Variants in P2RY14 observed in about 807,000 individuals in gnomAD.
The protein encoded by P2RY14 is purinergic receptor P2Y14.
P2RY14 carries 2 observed loss-of-function variants against 0.9 expected under a neutral mutation model. That is an observed-to-expected ratio of 2.16 (90% CI 0.88 to 6.79). The LOEUF (loss-of-function observed/expected upper bound fraction) is 6.79. P2RY14 is among the 30% of genes most tolerant of loss of function. The pLI is 0.05. For missense variants in P2RY14, 378 were observed against 400.1 expected, an observed-to-expected ratio of 0.94 and a Z score of 0.47; for synonymous variants, 158 against 147.2, an observed-to-expected ratio of 1.07 and a Z score of -0.53.
chr3:151,222,965 G>A (rs568791182), intron 1 of P2RY14, among the ~76,000 whole-genome samples: 2 of 151,998 alleles, frequency 1.3e-5, no homozygotes, highest in Non-Finnish European at 2.9e-5. Context: ...AATGTAAATT[G>A]GTATTTTATA....
At chr3:151,245,298 T>C (rs1372585933) in intron 1 of P2RY14, among the ~76,000 whole-genome samples, 5 of 152,052 alleles carry the variant, frequency 3.3e-5, no homozygotes, top group South Asian at 2.1e-4. Context: ...ATACCAAAGC[T>C]GGGCAGAGAC....
At chr3:151,274,071 A>G (rs1322642003) in intron 1 of P2RY14, among the ~76,000 whole-genome samples, 2 of 152,216 alleles carry the variant, frequency 1.3e-5, no homozygotes, top group Non-Finnish European at 2.9e-5. Context: ...GCAGTGTGCT[A>G]AAGTCGTGGC....
intron 1 of P2RY14, among the ~76,000 whole-genome samples, chr3:151,222,257 ACT>A (rs1267986601): frequency 6.6e-6 from 1 of 151,992 alleles, no homozygotes; most frequent in Non-Finnish European, 1.5e-5. Flanking sequence ...CTGGGATGAG[ACT>A]CTGGACTGTG....
chr3:151,258,465 G>A (rs2149485527), intron 1 of P2RY14, among the ~76,000 whole-genome samples: 1 of 152,258 alleles, frequency 6.6e-6, no homozygotes, highest in East Asian at 1.9e-4. Flanking sequence ...CTGGCCCTGG[G>A]TTAAATTCCA....
At chr3:151,269,852 A>G (rs1740544557) in intron 1 of P2RY14, 43 of 452,942 alleles carry the variant, frequency 9.5e-5, no homozygotes, top group South Asian at 6.9e-4. Flanking sequence ...TAAAGTCAGC[A>G]GGAAGAGGCA....
intron 1 of P2RY14, among the ~76,000 whole-genome samples, chr3:151,263,235 A>G (rs1029715134): frequency 2.0e-5 from 3 of 152,216 alleles, no homozygotes; most frequent in African/African-American, 7.2e-5. Flanking sequence ...ACCTTCAGCT[A>G]TCTTCCAGTC....
chr3:151,271,289 G>A (rs1740896150), intron 1 of P2RY14, among the ~76,000 whole-genome samples: 1 of 151,912 alleles, frequency 6.6e-6, no homozygotes, highest in South Asian at 2.1e-4. Flanking sequence ...TTGTCAACAG[G>A]GAAATACAAA....
At chr3:151,267,256 T>C (rs1740016713) in intron 1 of P2RY14, among the ~76,000 whole-genome samples, 1 of 152,198 alleles carries the variant, frequency 6.6e-6, no homozygotes, top group Admixed American at 6.5e-5. Flanking sequence ...AAAAGGATTG[T>C]ACATTGTCAT....
chr3:151,261,935 C>T (rs1205156882), intron 1 of P2RY14, among the ~76,000 whole-genome samples: 1 of 152,064 alleles, frequency 6.6e-6, no homozygotes, highest in East Asian at 1.9e-4. Context: ...CCACGTTGGC[C>T]AGGCTGGTCT....
chr3:151,265,836 C>T (rs1325892712), intron 1 of P2RY14, among the ~76,000 whole-genome samples: 2 of 152,038 alleles, frequency 1.3e-5, no homozygotes, highest in Admixed American at 1.3e-4. Flanking sequence ...AGTCAGAACA[C>T]CTATGAAATT....
intron 1 of P2RY14, among the ~76,000 whole-genome samples, chr3:151,235,807 A>T (rs913252020): frequency 2.0e-5 from 3 of 152,154 alleles, no homozygotes; most frequent in Admixed American, 6.5e-5. Flanking sequence ...TGTGGCTGCC[A>T]CATGCTGGTC....
chr3:151,275,532 C>T (rs1039631030), intron 1 of P2RY14, among the ~76,000 whole-genome samples: 1 of 152,064 alleles, frequency 6.6e-6, no homozygotes, highest in Non-Finnish European at 1.5e-5. Flanking sequence ...AAGCATATGA[C>T]CAGTATTTCA....
chr3:151,273,227 CTTTTTTTTTTT>C (rs63035061), intron 1 of P2RY14, among the ~76,000 whole-genome samples: 5 of 106,168 alleles, frequency 4.7e-5, no homozygotes, highest in African/African-American at 1.0e-4. Flanking sequence ...TTGTTGTGTT[CTTTTTTTTTTT>C]TTTTTTTTTT....
intron 1 of P2RY14, among the ~76,000 whole-genome samples, chr3:151,220,898 C>T (rs1457786328): frequency 6.6e-6 from 1 of 152,110 alleles, no homozygotes; most frequent in Non-Finnish European, 1.5e-5. Flanking sequence ...GGGCAACAGG[C>T]AGAGATTGGA....
At chr3:151,275,248 G>T (rs954485476) in intron 1 of P2RY14, among the ~76,000 whole-genome samples, 1 of 152,098 alleles carries the variant, frequency 6.6e-6, no homozygotes. Flanking sequence ...TGTACAGATC[G>T]CTTTGGGCCA....
intron 1 of P2RY14, among the ~76,000 whole-genome samples, chr3:151,257,882 C>T (rs1184368331): frequency 4.6e-5 from 7 of 152,182 alleles, no homozygotes; most frequent in Admixed American, 3.3e-4. Flanking sequence ...TTCTCTCTCC[C>T]TACTACAGCC....
intron 1 of P2RY14, among the ~76,000 whole-genome samples, chr3:151,259,757 G>A (rs190257705): frequency 6.6e-6 from 1 of 152,070 alleles, no homozygotes; most frequent in Non-Finnish European, 1.5e-5. Flanking sequence ...CCACTTAAAC[G>A]AGCTCATAGC....
chr3:151,248,861 T>C (rs1407064427), intron 1 of P2RY14: 1 of 152,190 alleles, frequency 6.6e-6, no homozygotes, highest in African/African-American at 2.4e-5. Flanking sequence ...ATTTTCTTAC[T>C]TACCAATTTT....
At chr3:151,260,002 A>T (rs1019353995) in intron 1 of P2RY14, among the ~76,000 whole-genome samples, 1 of 152,168 alleles carries the variant, frequency 6.6e-6, no homozygotes, top group Non-Finnish European at 1.5e-5. Flanking sequence ...ATTGGTAGGC[A>T]TTGTGAAGTG....
Sources: allele counts gnomAD v4.1 joint callset (sites outside exome capture counted in the v4.1 genomes callset), GRCh38; gene constraint gnomAD v4.1.1; transcripts MANE v1.5; gene names NCBI Gene and HGNC (gene_info 2026-07-23, HGNC 2026-07-21).